Variants in OSBP2 observed in about 807,000 individuals in gnomAD.
OSBP2 encodes oxysterol-binding protein 2.
OSBP2 carries 66 observed loss-of-function variants against 96.0 expected under a neutral mutation model. The ratio of observed to expected loss-of-function variants is 0.69; its 90% CI spans 0.56 to 0.84. OSBP2 has a LOEUF of 0.84. Among genes scored for constraint, OSBP2 ranks in the 40% least tolerant of loss-of-function variants. The pLI is 0.00. For synonymous variants in OSBP2, 525 were observed against 520.9 expected, an observed-to-expected ratio of 1.01 and a Z score of -0.11; for missense variants, 1,038 against 1,222.7, an observed-to-expected ratio of 0.85 and a Z score of 2.25.
At chr22:30,878,150 T>G (rs1032672029) in intron 3 of OSBP2, among the ~76,000 whole-genome samples, 2 of 152,222 alleles carry the variant, frequency 1.3e-5, no homozygotes, top group African/African-American at 4.8e-5. Flanking sequence ...AGGGACCTTG[T>G]GCTGACAGTG....
chr22:30,738,686 G>A (rs1293194717), intron 1 of OSBP2, among the ~76,000 whole-genome samples: 3 of 151,626 alleles, frequency 2.0e-5, no homozygotes, highest in African/African-American at 7.3e-5. Context: ...TCAGCCATCC[G>A]AGTAACTGGG....
chr22:30,874,017 A>G (rs1237269893), intron 3 of OSBP2, among the ~76,000 whole-genome samples: 1 of 152,214 alleles, frequency 6.6e-6, no homozygotes, highest in African/African-American at 2.4e-5. Context: ...TGGGTGGATC[A>G]CTTGAGGCCA....
intron 2 of OSBP2, among the ~76,000 whole-genome samples, chr22:30,833,293 T>G (rs559032118): frequency 6.6e-6 from 1 of 152,332 alleles, no homozygotes; most frequent in South Asian, 2.1e-4. Flanking sequence ...TTAAAATAAT[T>G]CATGACTTTT....
In OSBP2 at chr22:30,905,952, A is replaced by T; in HGVS notation, c.2491A>T (p.Lys831Ter). The change falls in exon 13 of 14, where the codon AAG becomes TAG. Residue 831 changes from lysine to a stop codon, truncating the protein, a stop_gained. Transcript: ENST00000332585. LOFTEE classifies it high-confidence loss of function. ...RLRPDQRLME[K>*]GRWDEANTEK... is the part of the protein sequence containing the mutation. ...GCGGCCCGACCAGCGGCTGATGGAG[A>T]AGGGCCGTTGGGACGAGGCCAATAC... 3.7e-6 allele frequency: 6 copies of T among 1,611,984 alleles called. No individual in the cohort carries two copies. Among genetic ancestry groups the T allele is most frequent in the Non-Finnish European group, 5.1e-6 (6 of 1,179,368 alleles).
At chr22:30,889,759 C>A in intron 7 of OSBP2, 123 bp downstream of exon 7, 1 of 847,858 alleles carries the variant, frequency 1.2e-6, no homozygotes, top group Non-Finnish European at 1.9e-6. Flanking sequence ...TTAACGGCAC[C>A]TGAGGAGCAT....
In OSBP2 at chr22:30,721,754, G is replaced by A. The variant is rs984200355; in HGVS notation, c.645-19407G>A. Among the ~76,000 whole-genome samples the A allele has an allele frequency of 3.3e-5, 5 of 152,134 alleles. No homozygotes were observed. The East Asian group carries it at 5.8e-4, about 18-fold the overall frequency. ...GATCTGTAAACTCATATTGTAATCCGAACATTTAAATTTATAATTGGCCTT... is the reference window on the plus strand; with the variant it reads ...GATCTGTAAACTCATATTGTAATCCAAACATTTAAATTTATAATTGGCCTT... On this transcript the variant is annotated intron_variant, in intron 1 of 13. Coordinates refer to ENST00000332585, the MANE Select transcript of OSBP2 (RefSeq NM_030758.4).
intron 2 of OSBP2, among the ~76,000 whole-genome samples, chr22:30,831,584 T>A (rs1001405458): frequency 6.6e-6 from 1 of 152,022 alleles, no homozygotes; most frequent in Non-Finnish European, 1.5e-5. Flanking sequence ...AAATGCAAAA[T>A]GAAAATATAG....
At chr22:30,694,406 C>G (rs984583081), upstream of OSBP2, 1 of 1,456,738 alleles carries the variant, frequency 6.9e-7, no homozygotes, top group Non-Finnish European at 9.0e-7. Flanking sequence ...GTGCTTCGTG[C>G]GCATTTCGTG....
rs998377105 is a variant in OSBP2 at position 30,839,899 on chromosome 22, A to G, written c.854-30530A>G. 1.4e-3 allele frequency among the ~76,000 whole-genome samples: 211 copies of G among 152,152 alleles called. 5 individuals are homozygous for G. Among genetic ancestry groups the G allele is most frequent in the Admixed American group, 5.2e-4 (8 of 15,276 alleles). ...TTGTTGCCATTGCTTTTGGTGTTTT[A>G]GACATGAAGTTCTTGCCCATGCCTA... On this transcript the variant is annotated intron_variant, in intron 2 of 13. Coordinates refer to ENST00000332585, the MANE Select transcript of OSBP2 (RefSeq NM_030758.4).
intron 2 of OSBP2, among the ~76,000 whole-genome samples, chr22:30,857,158 A>AG (rs897629112): frequency 2.0e-5 from 3 of 152,240 alleles, no homozygotes; most frequent in African/African-American, 7.2e-5. Context: ...CCCCCCTGGC[A>AG]GGGACCCTCT....
intron 2 of OSBP2, among the ~76,000 whole-genome samples, chr22:30,808,878 C>T (rs1569132631): frequency 2.0e-5 from 3 of 152,088 alleles, no homozygotes; most frequent in Non-Finnish European, 4.4e-5. Flanking sequence ...CACTTGAACC[C>T]GGAAGGTGGA....
At chr22:30,894,634 CGA>C (rs2040023858) in intron 12 of OSBP2, among the ~76,000 whole-genome samples, 1 of 152,128 alleles carries the variant, frequency 6.6e-6, no homozygotes. Context: ...GCATTTCTAG[CGA>C]GAGTCCCAAA....
At chr22:30,774,118 A>T (rs2090395972) in intron 2 of OSBP2, among the ~76,000 whole-genome samples, 1 of 152,032 alleles carries the variant, frequency 6.6e-6, no homozygotes, top group Admixed American at 6.6e-5. Flanking sequence ...CTCATAAGAG[A>T]GAGGAGGCAA....
At chr22:30,852,599 CT>C (rs1310813016) in intron 2 of OSBP2, among the ~76,000 whole-genome samples, 10 of 151,866 alleles carry the variant, frequency 6.6e-5, no homozygotes, top group Admixed American at 6.6e-4. Flanking sequence ...TTCTCAAAGC[CT>C]TTAGTTTAAC....
intron 3 of OSBP2, among the ~76,000 whole-genome samples, chr22:30,880,144 G>A (rs1371482514): frequency 6.6e-6 from 1 of 152,178 alleles, no homozygotes; most frequent in Non-Finnish European, 1.5e-5. Context: ...ATGCAGAGGG[G>A]TTCAGGGAGA....
chr22:30,902,150 A>AAAAAAC, intron 12 of OSBP2: 1 of 435,004 alleles, frequency 2.3e-6, no homozygotes, highest in South Asian at 5.7e-5. Context: ...CAAAAAAAAA[A>AAAAAAC]AACAGAGGGT....
At position 30,905,851 on chromosome 22, in the gene OSBP2, A is replaced by G; in HGVS notation, c.2390A>G (p.Asn797Ser). The G allele has an allele frequency of 6.2e-7, 1 of 1,613,296 alleles. No homozygotes were observed. Among genetic ancestry groups the G allele is most frequent in the South Asian group, 1.1e-5 (1 of 91,060 alleles). Residue 797 changes from asparagine to serine, a missense_variant, in exon 13 of 14, where the codon AAC becomes AGC. Asn to Ser is a conservative substitution (Grantham distance 46). Around this residue, in one of 3 missense-constraint regions of OSBP2, gnomAD observed 737 missense variants for 913.3 expected, o/e 0.81. Coordinates refer to ENST00000332585, the MANE Select transcript of OSBP2 (RefSeq NM_030758.4). ...CACCGCCACAGGGAGAACGCGGAGA[A>G]CATGTACTACTTCTCAGAGCTGGCC... Reference protein sequence around the residue: ...KKYPLPENAENMYYFSELALT... With the variant: ...KKYPLPENAESMYYFSELALT...
intron 2 of OSBP2, among the ~76,000 whole-genome samples, chr22:30,844,977 A>G (rs1464363836): frequency 1.3e-5 from 2 of 152,224 alleles, no homozygotes; most frequent in African/African-American, 4.8e-5. Context: ...CTCAAGAAGG[A>G]GAGAGATGGG....
intron 1 of OSBP2, among the ~76,000 whole-genome samples, chr22:30,727,902 C>G (rs1047925688): frequency 2.1e-5 from 3 of 145,570 alleles, no homozygotes; most frequent in Non-Finnish European, 4.5e-5. Flanking sequence ...GTCAAGAGAT[C>G]AAGACCATCC....
Sources: allele counts gnomAD v4.1 joint callset (sites outside exome capture counted in the v4.1 genomes callset), GRCh38; gene constraint gnomAD v4.1.1; regional missense constraint gnomAD v4.1.1; transcripts MANE v1.5; gene names NCBI Gene and HGNC (gene_info 2026-07-23, HGNC 2026-07-21).